The following YEATS2 variants were observed in gnomAD, a reference collection of about 807,000 sequenced individuals.
YEATS2 encodes the protein YEATS domain containing 2, also known as YEATS domain-containing protein 2.
A neutral mutation model predicts 163.2 loss-of-function variants in YEATS2; 77 were observed. That is an observed-to-expected ratio of 0.47 (90% confidence interval 0.39 to 0.57). YEATS2 has a LOEUF of 0.57. YEATS2 is among the 20% of genes least tolerant of loss of function. The probability of loss-of-function intolerance (pLI) is 0.00; values close to 1 mark genes in which losing one functional copy is unlikely to be tolerated. For missense variants in YEATS2, 1,549 were observed against 1,729.8 expected (o/e 0.90, Z 1.85); for synonymous variants, 631 against 645.1 (o/e 0.98, Z 0.33).
At chr3:183,783,386 T>G (rs1723759238) in intron 19 of YEATS2, among the ~76,000 whole-genome samples, 1 of 152,238 alleles carries the variant, frequency 6.6e-6, no homozygotes, top group African/African-American at 2.4e-5. Flanking sequence ...CTGTTTGCGT[T>G]GTTGCTGCTG....
At chr3:183,723,410 AAT>A (rs1274104951) in intron 5 of YEATS2, among the ~76,000 whole-genome samples, 2 of 152,218 alleles carry the variant, frequency 1.3e-5, no homozygotes, top group East Asian at 1.9e-4. Flanking sequence ...TTTTGATAAA[AAT>A]ATGTTTGTAT....
At chr3:183,796,004 C>T (rs1377442373) in intron 21 of YEATS2, among the ~76,000 whole-genome samples, 6 of 127,062 alleles carry the variant, frequency 4.7e-5, no homozygotes, top group African/African-American at 1.5e-4. Context: ...TTTTTTGAGA[C>T]GGAGTTCCGC....
intron 27 of YEATS2, among the ~76,000 whole-genome samples, chr3:183,804,670 A>C (rs1726003917): frequency 6.6e-6 from 1 of 152,196 alleles, no homozygotes. Flanking sequence ...GTTGCAGGTG[A>C]AATGAATTGT....
intron 2 of YEATS2, among the ~76,000 whole-genome samples, chr3:183,715,643 A>G (rs1715773827): frequency 6.6e-6 from 1 of 152,218 alleles, no homozygotes; most frequent in African/African-American, 2.4e-5. Context: ...AGAAAAAAGA[A>G]TGATCTCATC....
intron 21 of YEATS2, 136 bp downstream of exon 21, chr3:183,791,116 C>A: frequency 8.3e-7 from 1 of 1,204,200 alleles, no homozygotes; most frequent in Non-Finnish European, 1.1e-6. Context: ...TCACTGCAAC[C>A]TCTGCCTTCC....
At chr3:183,801,158 G>T (rs561349146) in intron 24 of YEATS2, 10 of 241,728 alleles carry the variant, frequency 4.1e-5, no homozygotes, top group South Asian at 2.4e-4. Context: ...CCTAGTAGCA[G>T]TCACATTGCA....
At chr3:183,709,970 A>G (rs1320897907) in intron 1 of YEATS2, among the ~76,000 whole-genome samples, 2 of 152,012 alleles carry the variant, frequency 1.3e-5, no homozygotes, top group South Asian at 2.1e-4. Context: ...GTGAGCCACC[A>G]TGCCTGACCC....
rs903320097 is a variant in YEATS2, at chr3:183,798,757, C to T, written c.3227-134C>T. On this transcript the variant is annotated intron_variant, in intron 22 of 30. Coordinates refer to ENST00000305135, the MANE Select transcript of YEATS2 (RefSeq NM_018023.5). ...ATAATCGCCCACTATTAAAAAGGGACTTTGCAATTCCTGTTGTCCTCAAGT... is the reference window on the plus strand; with the variant it reads ...ATAATCGCCCACTATTAAAAAGGGATTTTGCAATTCCTGTTGTCCTCAAGT... The T allele has an allele frequency of 2.5e-5, 17 of 674,914 alleles. No individual in the cohort carries two copies. The East Asian group carries it at 4.0e-4, about 16-fold the overall frequency. The allele number at this position is 674,914 out of a possible 1,614,324, so 41.8% of individuals were successfully genotyped here. A position where few individuals can be genotyped will look rare whatever the true frequency, so the allele number is the denominator to read the frequency against.
chr3:183,737,438 A>G (rs1026006132), intron 8 of YEATS2, among the ~76,000 whole-genome samples: 3 of 152,196 alleles, frequency 2.0e-5, no homozygotes, highest in African/African-American at 7.2e-5. Context: ...TCAGAGAGAG[A>G]GAGAATCACT....
intron 11 of YEATS2, among the ~76,000 whole-genome samples, chr3:183,755,296 T>C (rs1435189648): frequency 6.6e-6 from 1 of 152,162 alleles, no homozygotes; most frequent in African/African-American, 2.4e-5. Context: ...TTTGTATTTT[T>C]AGTAGAGACG....
intron 12 of YEATS2, among the ~76,000 whole-genome samples, chr3:183,756,945 A>G (rs1230649330): frequency 6.6e-6 from 1 of 152,202 alleles, no homozygotes; most frequent in Non-Finnish European, 1.5e-5. Context: ...TGTTCTTAAA[A>G]GAATAGTTGA....
intron 17 of YEATS2, among the ~76,000 whole-genome samples, chr3:183,774,554 C>T (rs1722781577): frequency 6.6e-6 from 1 of 152,150 alleles, no homozygotes; most frequent in Admixed American, 6.5e-5. Flanking sequence ...AAGAGAAATA[C>T]AGACTCTACC....
chr3:183,756,585 C>T lies in YEATS2; in HGVS notation c.1448C>T (p.Pro483Leu). Reference sequence around the variant, plus strand: ...TTGCCTCGAACCCCGACTTCCACTCCAGTCCACGTGAAGCAAGGCACTGCC... The same window carrying T: ...TTGCCTCGAACCCCGACTTCCACTCTAGTCCACGTGAAGCAAGGCACTGCC... ...SPLPRTPTST[P>L]VHVKQGTAGS... is the part of the protein sequence containing the mutation. Residue 483 changes from proline to leucine, a missense_variant, in exon 12 of 31, where the codon CCA becomes CTA. Pro to Leu is a moderately conservative substitution (Grantham distance 98). Transcript: ENST00000305135. 1 of 1,607,678 alleles carries T rather than the reference C, an allele frequency of 6.2e-7. No individual in the cohort carries two copies. The highest frequency in any genetic ancestry group is 1.1e-5 in the South Asian group (1 of 88,998).
intron 1 of YEATS2, among the ~76,000 whole-genome samples, chr3:183,699,483 C>G (rs1356345803): frequency 1.3e-5 from 2 of 150,816 alleles, no homozygotes; most frequent in Admixed American, 6.7e-5. Context: ...GAGACCGAGG[C>G]GGGTCGCTTG....
intron 2 of YEATS2, 50 bp downstream of exon 2, chr3:183,715,312 C>A: frequency 7.4e-7 from 1 of 1,344,182 alleles, no homozygotes; most frequent in Non-Finnish European, 1.1e-6. Flanking sequence ...TATGCCTCCG[C>A]TAGAAAACTT....
In YEATS2 at chr3:183,718,580, A is replaced by G. The variant is rs558728564; in HGVS notation, c.279A>G (p.Leu93=). Residue 93 remains leucine, a synonymous_variant, in exon 4 of 31, where the codon CTA becomes CTG. Coordinates refer to ENST00000305135, the MANE Select transcript of YEATS2 (RefSeq NM_018023.5). ...VANYYASAGL[L]KVSEGSKTCD... ...ACTACTATGCTTCTGCAGGTCTTCTAAAAGTTTCTGAGGTAAGCATTCCTC... is the reference window on the plus strand; with the variant it reads ...ACTACTATGCTTCTGCAGGTCTTCTGAAAGTTTCTGAGGTAAGCATTCCTC... The G allele has an allele frequency of 3.1e-6, 5 of 1,612,008 alleles. No individual in the cohort carries two copies. The highest frequency in any genetic ancestry group is 2.7e-5 in the African/African-American group (2 of 75,026).
Position 183,804,176 on chromosome 3 carries a change from G to A in YEATS2, c.3772G>A (p.Asp1258Asn), listed in dbSNP as rs774146113. ...CATCGAGGACGTGCTGACCCAGATC[G>A]ACAGCGAGCCCGGTAAGCCTTCAGT... ...DSIEDVLTQI[D>N]SEPECPSSFS... The change falls in exon 27 of 31, where the codon GAC (aspartate) becomes AAC (asparagine). Residue 1258 changes from aspartate (D) to asparagine (N), a missense_variant. Asp to Asn is a conservative substitution (Grantham distance 23). Transcript: ENST00000305135. The A allele has an allele frequency of 5.6e-6, 9 of 1,614,158 alleles. No individual in the cohort carries two copies. Among genetic ancestry groups the A allele is most frequent in the Admixed American group, 5.0e-5 (3 of 60,022 alleles).
intron 8 of YEATS2, among the ~76,000 whole-genome samples, chr3:183,743,336 TAAAC>T (rs1444801626): frequency 2.0e-5 from 3 of 152,136 alleles, no homozygotes; most frequent in African/African-American, 4.8e-5. Flanking sequence ...TTTATATAAA[TAAAC>T]GTTTATTTTT....
chr3:183,699,071 GAGGT>G (rs1331430847), intron 1 of YEATS2, among the ~76,000 whole-genome samples: 6 of 152,160 alleles, frequency 3.9e-5, no homozygotes, highest in African/African-American at 1.2e-4. Flanking sequence ...AGGAACCTAC[GAGGT>G]CAGTTACTGT....
Sources: gnomAD v4.1 joint callset for allele counts (sites outside exome capture counted in the v4.1 genomes callset) on GRCh38, gnomAD v4.1.1 for gene constraint, MANE v1.5 for transcripts, NCBI Gene and HGNC (gene_info 2026-07-23, HGNC 2026-07-21) for gene names.